Variants in ZNF664 observed in about 807,000 individuals in gnomAD.
ZNF664 encodes the protein zinc finger protein 664.
Under a neutral mutation model 18.2 loss-of-function variants are expected in ZNF664, and 10 were observed. That is an observed-to-expected ratio of 0.55 (90% CI 0.34 to 0.93). The LOEUF is 0.93. Among genes scored for constraint, ZNF664 ranks in the 40% least tolerant of loss-of-function variants. The pLI is 0.02. For synonymous variants in ZNF664, 119 were observed against 104.2 expected (o/e 1.14, Z -0.86); for missense variants, 193 against 319.0 (o/e 0.61, Z 3.01).
At position 123,977,466 on chromosome 12, in the gene ZNF664, A is replaced by G. The variant is rs1047129698; in HGVS notation, c.-757+3446A>G. ...CCTACTAGAACCTAAAATGGCCAAAAAAAAAAAAAAAAAACCCTAAACAAG... is the reference window on the plus strand; with the variant it reads ...CCTACTAGAACCTAAAATGGCCAAAGAAAAAAAAAAAAAACCCTAAACAAG... On this transcript the variant is annotated intron_variant, in intron 2 of 4. Transcript: ENST00000337815. Among the ~76,000 whole-genome samples, 6 of 139,612 alleles carry G rather than the reference A, an allele frequency of 4.3e-5. No individual in the cohort carries two copies. The South Asian group carries it at 1.2e-3, about 29-fold the overall frequency. The allele number at this position is 139,612 out of a possible 152,430, so 91.6% of individuals were successfully genotyped here.
chr12:124,005,198 C>T (rs1957057028), intron 3 of ZNF664, among the ~76,000 whole-genome samples: 1 of 152,152 alleles, frequency 6.6e-6, no homozygotes, highest in African/African-American at 2.4e-5. Flanking sequence ...AAATGTACTC[C>T]TATGGGCCTG....
At chr12:124,007,956 A>G (rs921403166) in intron 3 of ZNF664, among the ~76,000 whole-genome samples, 1 of 152,194 alleles carries the variant, frequency 6.6e-6, no homozygotes, top group African/African-American at 2.4e-5. Context: ...CATAGCTACA[A>G]TGACATGATC....
chr12:123,976,511 C>T (rs1051821933), intron 2 of ZNF664, among the ~76,000 whole-genome samples: 18 of 152,058 alleles, frequency 1.2e-4, no homozygotes, highest in African/African-American at 4.1e-4. Flanking sequence ...TCATGTAGGG[C>T]AGGTTAAAGT....
intron 2 of ZNF664, among the ~76,000 whole-genome samples, chr12:123,976,778 T>C (rs1956697894): frequency 6.6e-6 from 1 of 150,986 alleles, no homozygotes; most frequent in African/African-American, 2.4e-5. Context: ...GTCAAATCAA[T>C]GTTTGATTAA....
At chr12:124,006,459 C>CCAGA (rs1043304796) in intron 3 of ZNF664, among the ~76,000 whole-genome samples, 25 of 152,306 alleles carry the variant, frequency 1.6e-4, no homozygotes, top group African/African-American at 5.8e-4. Flanking sequence ...ATGCCGTGAC[C>CCAGA]CAGAGCACGT....
At chr12:123,985,715 A>G (rs893032767) in intron 2 of ZNF664, among the ~76,000 whole-genome samples, 6 of 152,208 alleles carry the variant, frequency 3.9e-5, no homozygotes, top group Admixed American at 6.5e-5. Flanking sequence ...GCATACACTT[A>G]TCCAAGGGGT....
At chr12:123,996,410 A>C (rs1485273359) in intron 3 of ZNF664, among the ~76,000 whole-genome samples, 1 of 152,144 alleles carries the variant, frequency 6.6e-6, no homozygotes. Context: ...AGTTGGGGAG[A>C]ATGTGTATGG....
chr12:123,985,563 A>C (rs1259639734), intron 2 of ZNF664, among the ~76,000 whole-genome samples: 2 of 152,258 alleles, frequency 1.3e-5, no homozygotes, highest in East Asian at 3.8e-4. Flanking sequence ...GGCTTCACTT[A>C]TTTAAAATAT....
intron 3 of ZNF664, among the ~76,000 whole-genome samples, chr12:123,992,913 C>T (rs75621075): frequency 0.075 from 11,484 of 152,198 alleles, 573 homozygotes; most frequent in Middle Eastern, 0.12. Flanking sequence ...AAACTCTTCT[C>T]CTCTCAGTTC....
chr12:123,977,699 A>C (rs1263264219), intron 2 of ZNF664, among the ~76,000 whole-genome samples: 1 of 152,200 alleles, frequency 6.6e-6, no homozygotes, highest in African/African-American at 2.4e-5. Flanking sequence ...TAGAATACTT[A>C]TGAGTAATGA....
chr12:123,985,021 C>T (rs560727969), intron 2 of ZNF664, among the ~76,000 whole-genome samples: 15 of 151,858 alleles, frequency 9.9e-5, no homozygotes, highest in South Asian at 4.2e-4. Flanking sequence ...GCAGGAGGAA[C>T]GGCCCCAAGA....
At chr12:123,988,918 T>C (rs1396727722) in intron 3 of ZNF664, among the ~76,000 whole-genome samples, 1 of 152,174 alleles carries the variant, frequency 6.6e-6, no homozygotes, top group African/African-American at 2.4e-5. Flanking sequence ...TGAAATTGTA[T>C]GTTATTTCCA....
At chr12:123,977,213 CAG>C (rs1431592781) in intron 2 of ZNF664, among the ~76,000 whole-genome samples, 3 of 152,142 alleles carry the variant, frequency 2.0e-5, no homozygotes, top group South Asian at 2.1e-4. Flanking sequence ...TTAAAAGTAT[CAG>C]AGAGTCAAAT....
intron 2 of ZNF664, among the ~76,000 whole-genome samples, chr12:123,979,476 C>T (rs1331856388): frequency 6.6e-6 from 1 of 152,022 alleles, no homozygotes; most frequent in Non-Finnish European, 1.5e-5. Context: ...GCAATTTTGG[C>T]AGAATTTTAT....
chr12:123,989,607 C>A (rs1410153640), intron 3 of ZNF664, among the ~76,000 whole-genome samples: 1 of 152,182 alleles, frequency 6.6e-6, no homozygotes, highest in East Asian at 1.9e-4. Flanking sequence ...ACAGGCCCAG[C>A]TAATAATGAA....
In ZNF664 at chr12:124,014,112, T is replaced by A. The variant is rs114885626; in HGVS notation, c.*1182T>A. The A allele has an allele frequency of 3.5e-3, 571 of 164,962 alleles. 1 individual carries two copies. The highest frequency in any genetic ancestry group is 0.013 in the African/African-American group (547 of 40,582). The allele number at this position is 164,962 out of a possible 1,614,324, so 10.2% of individuals were successfully genotyped here. The stretch of plus-strand genomic sequence containing the variant: ...AGATGATAAGTAAACAAATAAATAA[T>A]GTAGTTTGAGATAGTGATTAAGTGC... On this transcript the variant is annotated 3_prime_UTR_variant, in exon 5 of 5. Transcript: ENST00000337815.
intron 2 of ZNF664, among the ~76,000 whole-genome samples, chr12:123,981,301 C>T (rs969089004): frequency 1.3e-5 from 2 of 152,118 alleles, no homozygotes; most frequent in Non-Finnish European, 1.5e-5. Context: ...TTTGTCCCCT[C>T]CAAAACTCAT....
At chr12:123,995,157 C>T (rs760355077) in intron 3 of ZNF664, among the ~76,000 whole-genome samples, 3 of 152,168 alleles carry the variant, frequency 2.0e-5, no homozygotes, top group African/African-American at 7.2e-5. Context: ...AGCATAGAGC[C>T]GTGGCCCATT....
intron 3 of ZNF664, among the ~76,000 whole-genome samples, chr12:124,007,947 A>G (rs1297040206): frequency 6.6e-6 from 1 of 152,178 alleles, no homozygotes; most frequent in Non-Finnish European, 1.5e-5. Flanking sequence ...ATTGGTTTAC[A>G]TAGCTACAAT....
Sources: allele counts gnomAD v4.1 joint callset (sites outside exome capture counted in the v4.1 genomes callset), GRCh38; gene constraint gnomAD v4.1.1; transcripts MANE v1.5; gene names NCBI Gene and HGNC (gene_info 2026-07-23, HGNC 2026-07-21).